The following THSD4 variants were observed in gnomAD, a reference collection of about 807,000 sequenced individuals.
THSD4 encodes the protein thrombospondin type-1 domain-containing protein 4.
THSD4 carries 69 observed loss-of-function variants against 119.0 expected under a neutral mutation model. The observed-to-expected ratio is 0.58, with a 90% CI of 0.48 to 0.71. THSD4 has a LOEUF of 0.71. Among genes scored for constraint, THSD4 ranks in the 30% least tolerant of loss-of-function variants. The pLI, the probability that THSD4 is intolerant of heterozygous loss-of-function variation, is 0.00. For synonymous variants in THSD4, 524 were observed against 540.4 expected (o/e 0.97, Z 0.42); for missense variants, 1,393 against 1,391.1 (o/e 1.00, Z -0.02).
At chr15:71,553,346 A>G (rs537647423) in intron 7 of THSD4, among the ~76,000 whole-genome samples, 21 of 138,188 alleles carry the variant, frequency 1.5e-4, no homozygotes, top group Non-Finnish European at 2.8e-4. Flanking sequence ...TTTTTTTGAG[A>G]TGGAGTTTTG....
chr15:71,393,913 A>T (rs1238114763), intron 6 of THSD4, among the ~76,000 whole-genome samples: 3 of 152,176 alleles, frequency 2.0e-5, no homozygotes, highest in Non-Finnish European at 4.4e-5. Flanking sequence ...GATTGAGGCA[A>T]TCACTAAGAT....
chr15:71,351,707 G>A (rs1292257426), intron 6 of THSD4, among the ~76,000 whole-genome samples: 1 of 152,180 alleles, frequency 6.6e-6, no homozygotes, highest in Non-Finnish European at 1.5e-5. Context: ...TGGTGTTCGC[G>A]TGGCCTCTCT....
Position 71,561,943 on chromosome 15 carries a change from T to TC in THSD4, c.1153-98586dup, listed in dbSNP as rs1335880906. On this transcript the variant is annotated intron_variant, in intron 7 of 17. Transcript: ENST00000261862. ...ACAAACACTCACTCACTCTCTCTCT[T>TC]CTCTAGAGCCAGAAAGTGATGTTAA... 1.6e-4 allele frequency among the ~76,000 whole-genome samples: 24 copies of TC among 148,690 alleles called. 1 individual carries two copies. Among genetic ancestry groups the TC allele is most frequent in the African/African-American group, 5.3e-4 (21 of 39,610 alleles).
rs376157939 is a variant in THSD4 at position 71,659,430 on chromosome 15, G to T, written c.1153-1100G>T. 6.1e-4 allele frequency among the ~76,000 whole-genome samples: 93 copies of T among 152,124 alleles called. 1 individual carries two copies. Among genetic ancestry groups the T allele is most frequent in the African/African-American group, 2.0e-3 (84 of 41,514 alleles). ...ATTTTGTTCCAAAGTTTAATTTTTG[G>T]TTTTTTTAAAATAGGGCCTGCTCTG... On this transcript the variant is annotated intron_variant, in intron 7 of 17. Coordinates refer to ENST00000261862, the MANE Select transcript of THSD4 (RefSeq NM_024817.3).
intron 7 of THSD4, among the ~76,000 whole-genome samples, chr15:71,441,197 AATGGTG>A (rs2047083605): frequency 6.6e-6 from 1 of 152,100 alleles, no homozygotes; most frequent in South Asian, 2.1e-4. Flanking sequence ...GGTGATGGGT[AATGGTG>A]ATGGTGATGC....
At chr15:71,661,059 G>A (rs1269350524) in intron 8 of THSD4, among the ~76,000 whole-genome samples, 6 of 152,202 alleles carry the variant, frequency 3.9e-5, no homozygotes, top group Non-Finnish European at 5.9e-5. Flanking sequence ...TGCAAAGCGC[G>A]GAGACCAGCC....
At chr15:71,667,908 T>C (rs1313219124) in intron 8 of THSD4, among the ~76,000 whole-genome samples, 2 of 152,226 alleles carry the variant, frequency 1.3e-5, no homozygotes, top group Non-Finnish European at 2.9e-5. Context: ...TCCAGCCCTT[T>C]CTGTAAGTAC....
chr15:71,215,203 G>A lies in THSD4; in HGVS notation c.268G>A (p.Gly90Ser). ...GCCCCGCTCCTACCGCCTGCGCGGCGGCCAGCGGCCTGGCGCCCCTGCGCG... is the reference window on the plus strand; with the variant it reads ...GCCCCGCTCCTACCGCCTGCGCGGCAGCCAGCGGCCTGGCGCCCCTGCGCG... ...CLPRSYRLRG[G>S]QRPGAPARAF... The change falls in exon 4 of 18, where the codon GGC (glycine) becomes AGC (serine). Residue 90 changes from glycine to serine, a missense_variant. Transcript: ENST00000261862. The A allele has an allele frequency of 7.4e-7, 1 of 1,359,208 alleles. No homozygotes were observed. Among genetic ancestry groups the A allele is most frequent in the South Asian group, 1.7e-5 (1 of 58,346 alleles). The allele number at this position is 1,359,208 out of a possible 1,614,324, so 84.2% of individuals were successfully genotyped here. A position where few individuals can be genotyped will look rare whatever the true frequency, so the allele number is the denominator to read the frequency against.
intron 3 of THSD4, among the ~76,000 whole-genome samples, chr15:71,199,004 C>T (rs2043744656): frequency 6.6e-6 from 1 of 152,130 alleles, no homozygotes; most frequent in African/African-American, 2.4e-5. Context: ...CCTGGCAATC[C>T]CCTACTGTAT....
chr15:71,269,917 A>G (rs562986842), intron 6 of THSD4, among the ~76,000 whole-genome samples: 20 of 152,238 alleles, frequency 1.3e-4, no homozygotes, highest in Non-Finnish European at 2.5e-4. Context: ...CTCTTCAAGG[A>G]GAACTACAAA....
At chr15:71,455,800 A>T (rs2047331051) in intron 7 of THSD4, among the ~76,000 whole-genome samples, 1 of 152,116 alleles carries the variant, frequency 6.6e-6, no homozygotes, top group African/African-American at 2.4e-5. Flanking sequence ...TCAAAGACAA[A>T]ATTGCTCTCT....
intron 7 of THSD4, among the ~76,000 whole-genome samples, chr15:71,478,547 T>C (rs181282121): frequency 3.5e-4 from 54 of 152,314 alleles, no homozygotes; most frequent in Non-Finnish European, 5.6e-4. Context: ...CAACAGCACC[T>C]GTAGTAACCT....
intron 14 of THSD4, among the ~76,000 whole-genome samples, chr15:71,754,959 AATTG>A (rs1224219191): frequency 6.6e-6 from 1 of 152,180 alleles, no homozygotes; most frequent in Non-Finnish European, 1.5e-5. Flanking sequence ...ATATGGGGGA[AATTG>A]ACAGAAGATA....
chr15:71,257,384 AG>A (rs2044330857), intron 6 of THSD4, among the ~76,000 whole-genome samples: 1 of 152,016 alleles, frequency 6.6e-6, no homozygotes, highest in Non-Finnish European at 1.5e-5. Flanking sequence ...GGCTCAGAAG[AG>A]GTGTTGGGTC....
At chr15:71,407,950 C>A (rs904564506) in intron 6 of THSD4, among the ~76,000 whole-genome samples, 5 of 152,134 alleles carry the variant, frequency 3.3e-5, no homozygotes, top group African/African-American at 1.2e-4. Flanking sequence ...AGTGTGTGGA[C>A]AGGATGCTAG....
chr15:71,746,703 C>G, intron 12 of THSD4, 135 bp from the exon 13 acceptor site: 1 of 1,002,460 alleles, frequency 1.0e-6, no homozygotes, highest in Non-Finnish European at 1.5e-6. Context: ...CCTAGGCTGA[C>G]TTTCAAGCAA....
At chr15:71,171,483 G>A (rs1365519000) in intron 3 of THSD4, among the ~76,000 whole-genome samples, 2 of 152,098 alleles carry the variant, frequency 1.3e-5, no homozygotes, top group Non-Finnish European at 2.9e-5. Flanking sequence ...ACATACAAAT[G>A]CTACACTACA....
At chr15:71,735,444 CTT>C (rs1367134306) in intron 10 of THSD4, among the ~76,000 whole-genome samples, 2 of 150,974 alleles carry the variant, frequency 1.3e-5, no homozygotes, top group Non-Finnish European at 3.0e-5. Flanking sequence ...CTCTCTCTCT[CTT>C]TCTCACTCTC....
In THSD4 at chr15:71,661,354, C is replaced by T. The variant is rs138035778; in HGVS notation, c.1357+620C>T. ...CTGGACTTTGGAGCTATTTGCATTC[C>T]ATCTGATAAAAACCACAAGCCAATC... On this transcript the variant is annotated intron_variant, in intron 8 of 17. Transcript: ENST00000261862. Among the ~76,000 whole-genome samples the T allele has an allele frequency of 6.3e-3, 961 of 152,078 alleles. 6 individuals carry two copies. The highest frequency in any genetic ancestry group is 0.02 in the Middle Eastern group (6 of 294).
Sources: allele counts gnomAD v4.1 joint callset (sites outside exome capture counted in the v4.1 genomes callset), GRCh38; gene constraint gnomAD v4.1.1; transcripts MANE v1.5; gene names NCBI Gene and HGNC (gene_info 2026-07-23, HGNC 2026-07-21).